The following DACH1 variants were observed in gnomAD, a reference collection of about 807,000 sequenced individuals.
DACH1 encodes the protein dachshund family transcription factor 1, also known as dachshund homolog 1.
A neutral mutation model predicts 54.2 loss-of-function variants in DACH1; 12 were observed. That is an observed-to-expected ratio of 0.22 (90% CI 0.14 to 0.36). The LOEUF (loss-of-function observed/expected upper bound fraction) is 0.36. Ranked by LOEUF, DACH1 falls within the 10% of genes least tolerant of loss-of-function variation. DACH1 has a pLI of 1.00. For missense variants in DACH1, 805 were observed against 929.8 expected (o/e 0.87, Z 1.75); for synonymous variants, 386 against 366.2 (o/e 1.05, Z -0.62).
chr13:71,765,802 G>A (rs1337807941), intron 1 of DACH1, among the ~76,000 whole-genome samples: 1 of 151,204 alleles, frequency 6.6e-6, no homozygotes, highest in Admixed American at 6.6e-5. Context: ...CATGGAATAA[G>A]AAAATGACCA....
chr13:71,790,805 C>T (rs1886800369), intron 1 of DACH1, among the ~76,000 whole-genome samples: 1 of 152,122 alleles, frequency 6.6e-6, no homozygotes, highest in South Asian at 2.1e-4. Context: ...TTATTTCTTG[C>T]TTTGAAGGAA....
chr13:71,855,750 A>G (rs1358803649), intron 1 of DACH1, among the ~76,000 whole-genome samples: 1 of 152,056 alleles, frequency 6.6e-6, no homozygotes, highest in Non-Finnish European at 1.5e-5. Context: ...AAAATTAGAT[A>G]CATAACCATT....
chr13:71,464,300 C>T (rs1876360203), intron 10 of DACH1, among the ~76,000 whole-genome samples: 1 of 151,604 alleles, frequency 6.6e-6, no homozygotes, highest in Non-Finnish European at 1.5e-5. Flanking sequence ...ATATGATTTG[C>T]CATCTTTGAG....
rs138425626 is a variant in DACH1 at position 71,814,679 on chromosome 13, A to G, written c.848+51243T>C. ...AAAGTGGAAATATTAATGGAACTGT[A>G]CAAGAAATTACTGTTGACTAGATTA... On this transcript the variant is annotated intron_variant, in intron 1 of 10. Coordinates refer to ENST00000613252, the MANE Select transcript of DACH1 (RefSeq NM_080759.6). 1.5e-3 allele frequency among the ~76,000 whole-genome samples: 221 copies of G among 152,344 alleles called. 1 individual carries two copies. The highest frequency in any genetic ancestry group is 5.1e-3 in the African/African-American group (211 of 41,582).
intron 1 of DACH1, among the ~76,000 whole-genome samples, chr13:71,735,147 T>TG (rs1883968054): frequency 6.6e-6 from 1 of 151,256 alleles, no homozygotes; most frequent in African/African-American, 2.4e-5. Context: ...TACTCGTATA[T>TG]GGTTTATACA....
At chr13:71,682,801 G>A (rs1880979726) in intron 1 of DACH1, among the ~76,000 whole-genome samples, 1 of 152,074 alleles carries the variant, frequency 6.6e-6, no homozygotes, top group Non-Finnish European at 1.5e-5. Flanking sequence ...ACAGTTATAA[G>A]CAGAGGTAGA....
At chr13:71,515,847 G>A (rs904912406) in intron 6 of DACH1, among the ~76,000 whole-genome samples, 2 of 151,760 alleles carry the variant, frequency 1.3e-5, no homozygotes, top group Non-Finnish European at 2.9e-5. Context: ...CTCTGCACAC[G>A]TTGTAATAAC....
At chr13:71,511,826 C>G (rs1487152774) in intron 6 of DACH1, among the ~76,000 whole-genome samples, 1 of 151,940 alleles carries the variant, frequency 6.6e-6, no homozygotes, top group Non-Finnish European at 1.5e-5. Context: ...TGAAACCAAT[C>G]TTTTGTTTCA....
intron 1 of DACH1, among the ~76,000 whole-genome samples, chr13:71,752,508 C>CTG (rs1339394245): frequency 2.6e-5 from 4 of 151,872 alleles, no homozygotes; most frequent in Admixed American, 2.0e-4. Flanking sequence ...CTCTCTCTCT[C>CTG]TCTCTGTTGC....
chr13:71,613,250 A>T (rs2138521244), intron 3 of DACH1, among the ~76,000 whole-genome samples: 1 of 152,342 alleles, frequency 6.6e-6, no homozygotes, highest in Non-Finnish European at 1.5e-5. Flanking sequence ...GAAAGGACGT[A>T]GTCTGTTTGA....
chr13:71,800,547 A>G (rs74434111), intron 1 of DACH1, among the ~76,000 whole-genome samples: 1 of 152,238 alleles, frequency 6.6e-6, no homozygotes, highest in Non-Finnish European at 1.5e-5. Flanking sequence ...CCGACTGCCT[A>G]TAAAGAAAGT....
intron 1 of DACH1, among the ~76,000 whole-genome samples, chr13:71,695,746 A>T (rs1056258382): frequency 3.3e-5 from 5 of 152,188 alleles, no homozygotes; most frequent in Non-Finnish European, 7.3e-5. Context: ...TGAGATAATC[A>T]CCAAGGCTTG....
At chr13:71,723,701 T>C (rs1883340419) in intron 1 of DACH1, among the ~76,000 whole-genome samples, 1 of 152,200 alleles carries the variant, frequency 6.6e-6, no homozygotes, top group Non-Finnish European at 1.5e-5. Context: ...TGTTTTGTTT[T>C]GTTTTTTGAG....
intron 2 of DACH1, among the ~76,000 whole-genome samples, chr13:71,658,594 C>T (rs1283632669): frequency 6.6e-6 from 1 of 152,038 alleles, no homozygotes; most frequent in African/African-American, 2.4e-5. Flanking sequence ...GTAATGTATA[C>T]CAAAACATAT....
At chr13:71,520,323 C>T (rs1045484494) in intron 6 of DACH1, among the ~76,000 whole-genome samples, 1 of 151,546 alleles carries the variant, frequency 6.6e-6, no homozygotes, top group African/African-American at 2.4e-5. Flanking sequence ...AATGAAGAAA[C>T]AGTTCAATCC....
At chr13:71,802,989 T>C (rs75926896) in intron 1 of DACH1, among the ~76,000 whole-genome samples, 150 of 152,292 alleles carry the variant, frequency 9.8e-4, no homozygotes, top group African/African-American at 3.4e-3. Context: ...CCAGCGTTTA[T>C]AGAAAATAAA....
At chr13:71,534,062 T>C (rs1054795812) in intron 6 of DACH1, among the ~76,000 whole-genome samples, 2 of 152,056 alleles carry the variant, frequency 1.3e-5, no homozygotes. Context: ...TTTTGACTTC[T>C]TCACAGCTTA....
chr13:71,559,323 C>A (rs766949524), intron 5 of DACH1, among the ~76,000 whole-genome samples: 11 of 151,910 alleles, frequency 7.2e-5, no homozygotes, highest in Non-Finnish European at 1.2e-4. Context: ...TTATTTAATC[C>A]ATTGACCACC....
chr13:71,485,469 T>A (rs1878406587), intron 7 of DACH1, among the ~76,000 whole-genome samples: 1 of 149,728 alleles, frequency 6.7e-6, no homozygotes. Context: ...TTTTATAAAT[T>A]TCTAAATATA....
Sources: allele counts gnomAD v4.1 joint callset (sites outside exome capture counted in the v4.1 genomes callset), GRCh38; gene constraint gnomAD v4.1.1; transcripts MANE v1.5; gene names NCBI Gene and HGNC (gene_info 2026-07-23, HGNC 2026-07-21).